Variants in ENOX1 observed in about 807,000 individuals in gnomAD.
ENOX1 encodes ecto-NOX disulfide-thiol exchanger 1, also known as candidate growth-related and time keeping constitutive hydroquinone (NADH) oxidase.
Under a neutral mutation model 82.5 loss-of-function variants are expected in ENOX1, and 42 were observed. The observed-to-expected ratio is 0.51, with a 90% CI of 0.40 to 0.66. The LOEUF (loss-of-function observed/expected upper bound fraction) is 0.66. Ranked by LOEUF, ENOX1 falls within the 30% of genes least tolerant of loss-of-function variation. The pLI is 0.00. For synonymous variants in ENOX1, 271 were observed against 282.2 expected, an observed-to-expected ratio of 0.96 and a Z score of 0.40; for missense variants, 608 against 811.6, an observed-to-expected ratio of 0.75 and a Z score of 3.05.
At chr13:43,644,609 C>G (rs1355869830) in intron 2 of ENOX1, among the ~76,000 whole-genome samples, 1 of 152,198 alleles carries the variant, frequency 6.6e-6, no homozygotes, top group Non-Finnish European at 1.5e-5. Flanking sequence ...TCAATATTCT[C>G]TTTACATTTT....
At position 43,236,699 on chromosome 13, in the gene ENOX1, G is replaced by C; in HGVS notation, c.1651C>G (p.Arg551Gly). Residue 551 changes from arginine to glycine, a missense_variant, in exon 15 of 17, where the codon CGA becomes GGA. Transcript: ENST00000690772. ...CTTCTTTTCTCAATATTGTTCTCTC[G>C]GTCTTGGTTGACTAATGCAACTGTC... is the stretch of plus-strand genomic sequence containing the variant. Reference protein sequence around the residue: ...VLTVALVNQDRENNIEKRSQG... With the variant: ...VLTVALVNQDGENNIEKRSQG... 6.3e-7 allele frequency: 1 copy of C among 1,587,732 alleles called. No homozygotes were observed. The highest frequency in any genetic ancestry group is 8.5e-7 in the Non-Finnish European group (1 of 1,173,088).
At chr13:43,241,474 G>A (rs1167033230) in intron 14 of ENOX1, among the ~76,000 whole-genome samples, 1 of 152,148 alleles carries the variant, frequency 6.6e-6, no homozygotes, top group Non-Finnish European at 1.5e-5. Flanking sequence ...ACAGCGGGAC[G>A]GGAACATTAG....
At chr13:43,595,255 C>A (rs891531741) in intron 2 of ENOX1, among the ~76,000 whole-genome samples, 1 of 151,770 alleles carries the variant, frequency 6.6e-6, no homozygotes, top group Non-Finnish European at 1.5e-5. Flanking sequence ...AGAGTAATAG[C>A]AGGTAGAACG....
At chr13:43,334,226 G>A (rs2048573045) in intron 9 of ENOX1, among the ~76,000 whole-genome samples, 1 of 152,176 alleles carries the variant, frequency 6.6e-6, no homozygotes, top group Non-Finnish European at 1.5e-5. Context: ...TAGTATGAAT[G>A]CCCATTTCAT....
chr13:43,573,145 C>T (rs186343841), intron 2 of ENOX1, among the ~76,000 whole-genome samples: 19 of 152,292 alleles, frequency 1.2e-4, no homozygotes, highest in African/African-American at 4.6e-4. Context: ...TCACATAAAG[C>T]ATGGAGAACT....
chr13:43,573,489 A>T (rs2080274914), intron 2 of ENOX1, among the ~76,000 whole-genome samples: 1 of 152,208 alleles, frequency 6.6e-6, no homozygotes, highest in African/African-American at 2.4e-5. Flanking sequence ...CCATACGTGC[A>T]TTCTTTAAAT....
At chr13:43,459,731 C>A (rs1469057784) in intron 3 of ENOX1, among the ~76,000 whole-genome samples, 1 of 152,146 alleles carries the variant, frequency 6.6e-6, no homozygotes. Context: ...CGGTGGCTCC[C>A]ACCTGTAATC....
chr13:43,535,667 C>G (rs2078429367), intron 2 of ENOX1, among the ~76,000 whole-genome samples: 1 of 152,176 alleles, frequency 6.6e-6, no homozygotes, highest in Non-Finnish European at 1.5e-5. Flanking sequence ...CACATATCAT[C>G]AGGCTACTTG....
intron 3 of ENOX1, among the ~76,000 whole-genome samples, chr13:43,446,384 G>T (rs565910571): frequency 6.6e-6 from 1 of 152,096 alleles, no homozygotes; most frequent in Non-Finnish European, 1.5e-5. Context: ...ACTGCCTATT[G>T]CTCAGAGCTT....
intron 1 of ENOX1, among the ~76,000 whole-genome samples, chr13:43,713,749 T>C (rs1444492361): frequency 5.9e-5 from 9 of 151,440 alleles, no homozygotes; most frequent in Admixed American, 3.3e-4. Flanking sequence ...TCTGTGGGAT[T>C]GGTGGTGATA....
intron 5 of ENOX1, among the ~76,000 whole-genome samples, chr13:43,392,106 A>T (rs1272058170): frequency 2.2e-4 from 10 of 45,348 alleles, no homozygotes; most frequent in Non-Finnish European, 2.0e-3. Context: ...TCAGAATCTC[A>T]GTTTAAATTT....
chr13:43,317,680 G>A (rs2047580102), intron 11 of ENOX1, among the ~76,000 whole-genome samples: 1 of 150,552 alleles, frequency 6.6e-6, no homozygotes, highest in Non-Finnish European at 1.5e-5. Context: ...GATTTGGAAA[G>A]TCCTTGTTTG....
rs140691851 is a variant in ENOX1, at chr13:43,213,931, C to T, written c.*59G>A. On this transcript the variant is annotated 3_prime_UTR_variant, in exon 17 of 17. Transcript: ENST00000690772. Reference sequence around the variant, plus strand: ...AACCCCACACCTCCTGCTTCCCCGTCGCACCGCCCTGGCCAGGTTCACATG... The same window carrying T: ...AACCCCACACCTCCTGCTTCCCCGTTGCACCGCCCTGGCCAGGTTCACATG... The T allele has an allele frequency of 5.6e-4, 873 of 1,567,120 alleles. 6 individuals carry two copies. In the African/African-American group the frequency reaches 0.01, roughly 19 times the overall value.
chr13:43,363,687 C>A (rs980101437), intron 5 of ENOX1, among the ~76,000 whole-genome samples: 27 of 152,182 alleles, frequency 1.8e-4, no homozygotes, highest in African/African-American at 6.5e-4. Flanking sequence ...TGAAACCACT[C>A]AGGACTGCAA....
intron 1 of ENOX1, among the ~76,000 whole-genome samples, chr13:43,672,208 A>G (rs1206486150): frequency 6.6e-6 from 1 of 152,206 alleles, no homozygotes; most frequent in Non-Finnish European, 1.5e-5. Flanking sequence ...GACCCTTTGA[A>G]GGAAAAAAAT....
chr13:43,234,765 T>A (rs1005835173), intron 15 of ENOX1, among the ~76,000 whole-genome samples: 1 of 152,224 alleles, frequency 6.6e-6, no homozygotes, highest in African/African-American at 2.4e-5. Context: ...ATGTACTGCA[T>A]ATAAAGCACA....
At chr13:43,422,450 T>C (rs1005889111) in intron 3 of ENOX1, among the ~76,000 whole-genome samples, 1 of 152,186 alleles carries the variant, frequency 6.6e-6, no homozygotes, top group African/African-American at 2.4e-5. Flanking sequence ...GACCCAACCA[T>C]TTCTCAAACA....
chr13:43,454,330 C>A (rs1410643176), intron 3 of ENOX1, among the ~76,000 whole-genome samples: 1 of 151,456 alleles, frequency 6.6e-6, no homozygotes, highest in Non-Finnish European at 1.5e-5. Flanking sequence ...ATAGGTAAGA[C>A]TTTTGCTGCA....
intron 12 of ENOX1, among the ~76,000 whole-genome samples, chr13:43,270,097 C>T (rs915931412): frequency 2.0e-5 from 3 of 152,128 alleles, no homozygotes; most frequent in Non-Finnish European, 2.9e-5. Context: ...GCTGAGAAAA[C>T]TGCTGATATA....
Sources: allele counts gnomAD v4.1 joint callset (sites outside exome capture counted in the v4.1 genomes callset), GRCh38; gene constraint gnomAD v4.1.1; transcripts MANE v1.5; gene names NCBI Gene and HGNC (gene_info 2026-07-23, HGNC 2026-07-21).